MICAL3: variants seen among roughly 807,000 people sequenced by gnomAD.
MICAL3 encodes [F-actin]-monooxygenase MICAL3.
MICAL3 carries 62 observed loss-of-function variants against 207.4 expected under a neutral mutation model. The observed-to-expected ratio is 0.30, with a 90% confidence interval of 0.24 to 0.37. The LOEUF is 0.37. MICAL3 is among the 10% of genes least tolerant of loss of function. MICAL3 has a pLI of 1.00. For missense variants in MICAL3, 2,368 were observed against 2,635.6 expected, an observed-to-expected ratio of 0.90 and a Z score of 2.22; for synonymous variants, 1,077 against 1,069.3, an observed-to-expected ratio of 1.01 and a Z score of -0.14.
chr22:17,849,983 GCCCAGT>G (rs1381006573), intron 19 of MICAL3, among the ~76,000 whole-genome samples: 2 of 151,970 alleles, frequency 1.3e-5, no homozygotes, highest in African/African-American at 2.4e-5. Flanking sequence ...GAGCCACCGC[GCCCAGT>G]CCCAGGATGG....
In MICAL3 at chr22:17,885,971, A is replaced by G. The variant is rs571065979; in HGVS notation, c.2148T>C (p.Val716=). The change falls in exon 16 of 32, where the codon GTT becomes GTC. Residue 716 remains valine (V), a synonymous_variant. Coordinates refer to ENST00000441493, the MANE Select transcript of MICAL3 (RefSeq NM_015241.3). The part of the protein sequence containing the change: ...TLTDRRMDVA[V]GNQNKVKYMA... ...TGTACTTCACTTTGTTCTGGTTCCC[A>G]ACGGCAACGTCCATCCTCCTGTCTG... The G allele has an allele frequency of 2.0e-4, 327 of 1,613,986 alleles. 3 individuals carry two copies. In the South Asian group the frequency reaches 3.4e-3, roughly 17 times the overall value.
chr22:17,930,248 G>A (rs142365905), intron 1 of MICAL3, among the ~76,000 whole-genome samples: 260 of 152,340 alleles, frequency 1.7e-3, no homozygotes, highest in Middle Eastern at 6.8e-3. Flanking sequence ...TTGTTCAGCA[G>A]TGGTTCTTGA....
chr22:17,845,942 C>T (rs1270005051), intron 19 of MICAL3, among the ~76,000 whole-genome samples: 3 of 152,212 alleles, frequency 2.0e-5, no homozygotes, highest in Non-Finnish European at 1.5e-5. Context: ...GCAAATCCCG[C>T]AGACTAATGG....
At chr22:17,987,726 C>T (rs1431592518) in intron 1 of MICAL3, among the ~76,000 whole-genome samples, 1 of 152,194 alleles carries the variant, frequency 6.6e-6, no homozygotes, top group Non-Finnish European at 1.5e-5. Flanking sequence ...TGGACAAGAA[C>T]ATCCTTATTC....
Position 17,817,996 on chromosome 22 carries a change from C to A in MICAL3, c.4665G>T (p.Lys1555Asn), listed in dbSNP as rs978205565. The A allele has an allele frequency of 1.9e-6, 3 of 1,612,222 alleles. No individual in the cohort carries two copies. The highest frequency in any genetic ancestry group is 2.5e-6 in the Non-Finnish European group (3 of 1,179,752). Residue 1555 changes from lysine to asparagine, a missense_variant, in exon 26 of 32, where the codon AAG becomes AAT. Physicochemically the swap from Lys to Asn is moderately conservative, Grantham distance 94 (BLOSUM62 0). Around this residue, in one of 4 missense-constraint regions of MICAL3, gnomAD observed 1,770 missense variants for 1,863.2 expected, o/e 0.95. Coordinates refer to ENST00000441493, the MANE Select transcript of MICAL3 (RefSeq NM_015241.3). Reference protein sequence around the residue: ...TPPSCWPRPEKPRHPPLAKEN... With the variant: ...TPPSCWPRPENPRHPPLAKEN... ...CCTTGGCCAGGGGCGGGTGGCGAGGCTTCTCGGGGCGCGGCCAGCAGGACG... is the reference window on the plus strand; with the variant it reads ...CCTTGGCCAGGGGCGGGTGGCGAGGATTCTCGGGGCGCGGCCAGCAGGACG...
At chr22:17,821,315 T>C in intron 25 of MICAL3, 112 bp downstream of exon 25, 1 of 867,362 alleles carries the variant, frequency 1.2e-6, no homozygotes, top group Non-Finnish European at 1.7e-6. Context: ...CAGGCTATGT[T>C]AGCCCCAGTC....
intron 1 of MICAL3, among the ~76,000 whole-genome samples, chr22:17,956,574 C>T (rs1052837882): frequency 2.0e-5 from 3 of 152,176 alleles, no homozygotes; most frequent in African/African-American, 7.2e-5. Context: ...GAGGCTGAGG[C>T]AGGAGAATTG....
intron 25 of MICAL3, 40 bp from the exon 26 acceptor site, chr22:17,819,169 G>GC: frequency 7.0e-7 from 1 of 1,427,166 alleles, no homozygotes; most frequent in Non-Finnish European, 9.2e-7. Flanking sequence ...GAAGGTGTGG[G>GC]CTTTCACGAC....
chr22:17,937,963 G>C (rs535445718), intron 1 of MICAL3, among the ~76,000 whole-genome samples: 19 of 152,206 alleles, frequency 1.2e-4, no homozygotes, highest in Non-Finnish European at 2.8e-4. Context: ...GTCAAGCTCA[G>C]TACAAGACTT....
rs752212871 is a variant in MICAL3 at position 17,818,914 on chromosome 22, C to T, written c.3747G>A (p.Ala1249=). The stretch of plus-strand genomic sequence containing the variant: ...GTGGGCTGGGTGGGGGCGTGGAGGC[C>T]GCCACGGGTGGCTGGGGCTGCGGGC... The part of the protein sequence containing the change: ...PGSPQPQPPV[A]ASTPPPSPLP... Residue 1249 remains alanine (A), a synonymous_variant, in exon 26 of 32, where the codon GCG becomes GCA. Transcript: ENST00000441493. The T allele has an allele frequency of 8.2e-5, 128 of 1,567,168 alleles. No homozygotes were observed. Among genetic ancestry groups the T allele is most frequent in the Non-Finnish European group, 1.0e-4 (118 of 1,157,022 alleles).
chr22:17,885,795 G>T, intron 16 of MICAL3, 83 bp downstream of exon 16: 1 of 1,406,212 alleles, frequency 7.1e-7, no homozygotes, highest in Non-Finnish European at 1.0e-6. Flanking sequence ...CTGTGACACA[G>T]CCCATCTCAA....
intron 1 of MICAL3, among the ~76,000 whole-genome samples, chr22:17,960,817 G>A (rs777383639): frequency 3.3e-5 from 5 of 152,120 alleles, no homozygotes; most frequent in Admixed American, 6.5e-5. Context: ...ATTCTGAGGC[G>A]AGCAGGAGCA....
chr22:17,827,694 C>G lies in MICAL3; in HGVS notation c.3143G>C (p.Arg1048Thr). Residue 1048 changes from arginine (R) to threonine (T), a missense_variant, in exon 22 of 32, where the codon AGA (arginine) becomes ACA (threonine). Coordinates refer to ENST00000441493, the MANE Select transcript of MICAL3 (RefSeq NM_015241.3). ...ADVHWTHIRE[R>T]EEEERMAPAS... ...CGGCGCCATCCTCTCTTCCTCCTCT[C>G]TCTCACGGATATGAGTCCAGTGCAC... The G allele has an allele frequency of 6.3e-7, 1 of 1,583,136 alleles. No individual in the cohort carries two copies. Among genetic ancestry groups the G allele is most frequent in the South Asian group, 1.2e-5 (1 of 86,362 alleles).
At chr22:17,927,788 G>A (rs374232704) in intron 1 of MICAL3, among the ~76,000 whole-genome samples, 1 of 151,964 alleles carries the variant, frequency 6.6e-6, no homozygotes. Flanking sequence ...GGGGCTTTAG[G>A]GCCACATCTC....
At position 17,790,786 on chromosome 22, in the gene MICAL3, G is replaced by A. The variant is rs1256822092; in HGVS notation, c.5955C>T (p.Asp1985=). ...EEQRLREREE[D]KDLEAAMLSK... is the part of the protein sequence containing the mutation. ...ACAGCATGGCAGCCTCCAGGTCCTT[G>A]TCCTCCTCTCTCTCCCGGAGCCGCT... is the stretch of plus-strand genomic sequence containing the variant. Residue 1985 remains aspartate (D), a synonymous_variant, in exon 32 of 32, where the codon GAC becomes GAT. Coordinates refer to ENST00000441493, the MANE Select transcript of MICAL3 (RefSeq NM_015241.3). The A allele has an allele frequency of 1.2e-5, 19 of 1,612,738 alleles. No homozygotes were observed. Among genetic ancestry groups the A allele is most frequent in the Non-Finnish European group, 1.5e-5 (18 of 1,179,470 alleles).
intron 1 of MICAL3, among the ~76,000 whole-genome samples, chr22:17,940,654 G>T (rs561537097): frequency 6.6e-6 from 1 of 152,176 alleles, no homozygotes; most frequent in East Asian, 1.9e-4. Flanking sequence ...GTAAATCCAA[G>T]AATATATCAT....
intron 19 of MICAL3, among the ~76,000 whole-genome samples, chr22:17,843,807 G>A (rs1924327230): frequency 6.6e-6 from 1 of 152,162 alleles, no homozygotes; most frequent in Admixed American, 6.5e-5. Flanking sequence ...TGAGAAACAG[G>A]GCTGAGGCAC....
chr22:17,798,656 T>G (rs1319509266), intron 29 of MICAL3, among the ~76,000 whole-genome samples: 1 of 150,852 alleles, frequency 6.6e-6, no homozygotes, highest in Non-Finnish European at 1.5e-5. Context: ...TAATGATAAA[T>G]AGTGTTGGAG....
chr22:17,971,772 G>A (rs560712750), intron 1 of MICAL3, among the ~76,000 whole-genome samples: 1 of 152,364 alleles, frequency 6.6e-6, no homozygotes, highest in South Asian at 2.1e-4. Context: ...AACATCGGAA[G>A]GGGCCCCCTG....
Sources: gnomAD v4.1 joint callset for allele counts (sites outside exome capture counted in the v4.1 genomes callset) on GRCh38, gnomAD v4.1.1 for gene constraint, gnomAD v4.1.1 regional missense constraint, MANE v1.5 for transcripts, NCBI Gene and HGNC (gene_info 2026-07-23, HGNC 2026-07-21) for gene names.